The following CHUK variants were observed in gnomAD, a reference collection of about 807,000 sequenced individuals.
CHUK encodes inhibitor of nuclear factor kappa-B kinase subunit alpha.
CHUK carries 35 observed loss-of-function variants against 104.8 expected under a neutral mutation model. The observed-to-expected ratio is 0.33, with a 90% CI of 0.26 to 0.44. CHUK has a LOEUF of 0.44. Ranked by LOEUF, CHUK falls within the 20% of genes least tolerant of loss-of-function variation. CHUK has a pLI of 1.00. For synonymous variants in CHUK, 276 were observed against 291.9 expected (o/e 0.95, Z 0.56); for missense variants, 663 against 902.7 (o/e 0.73, Z 3.40).
chr10:100,224,110 T>TCA (rs1554899690), intron 2 of CHUK, among the ~76,000 whole-genome samples: 1 of 151,978 alleles, frequency 6.6e-6, no homozygotes. Flanking sequence ...TCTCTCTCTC[T>TCA]CAGATCACTC....
intron 1 of CHUK, among the ~76,000 whole-genome samples, chr10:100,229,201 C>G (rs1002979067): frequency 2.6e-5 from 4 of 152,150 alleles, no homozygotes; most frequent in African/African-American, 9.7e-5. Context: ...CAGTCATACC[C>G]AAGTTCCCCG....
chr10:100,220,414 T>C (rs1033692361), intron 5 of CHUK, among the ~76,000 whole-genome samples, 174 bp downstream of exon 5: 1 of 152,110 alleles, frequency 6.6e-6, no homozygotes, highest in Admixed American at 6.5e-5. Flanking sequence ...AACCACTGTT[T>C]AGCAGAAGGG....
At chr10:100,199,000 C>G (rs763517004) in intron 16 of CHUK, among the ~76,000 whole-genome samples, 62 of 152,120 alleles carry the variant, frequency 4.1e-4, no homozygotes, top group South Asian at 1.0e-3. Flanking sequence ...AATATACTCA[C>G]TGAGTAGGAA....
chr10:100,209,703 A>G lies in CHUK; in HGVS notation c.1020T>C (p.Arg340=), dbSNP rs1564836315. ...PDESLHSLQS[R]IERETGINTG... ...TATTTATTCCAGTTTCACGCTCAAT[A>G]CGAGACTGTAGTGAATGAAGACTTT... Residue 340 remains arginine, a synonymous_variant, in exon 10 of 21, where the codon CGT becomes CGC. Coordinates refer to ENST00000370397, the MANE Select transcript of CHUK (RefSeq NM_001278.5). 4 of 1,577,390 alleles carry G rather than the reference A, an allele frequency of 2.5e-6. No individual in the cohort carries two copies. Among genetic ancestry groups the G allele is most frequent in the Non-Finnish European group, 3.5e-6 (4 of 1,146,572 alleles).
rs371570413 is a variant in CHUK, at chr10:100,208,478, C to T, written c.1128+1117G>A. 6.6e-5 allele frequency among the ~76,000 whole-genome samples: 10 copies of T among 152,248 alleles called. No individual in the cohort carries two copies. The East Asian group carries it at 1.7e-3, about 26-fold the overall frequency. On this transcript the variant is annotated intron_variant, in intron 10 of 20. Coordinates refer to ENST00000370397, the MANE Select transcript of CHUK (RefSeq NM_001278.5). Reference sequence around the variant, plus strand: ...CAGGCCTAAATAACAACTGTTTCAGCACGACTGAGTGGTGAAGTTAAATAT... The same window carrying T: ...CAGGCCTAAATAACAACTGTTTCAGTACGACTGAGTGGTGAAGTTAAATAT...
rs748462224 is a variant in CHUK, at chr10:100,219,130, G to A, written c.567C>T (p.Ala189=). The change falls in exon 7 of 21, where the codon GCC becomes GCT. Residue 189 remains alanine (A), a splice_region_variant and synonymous_variant. Coordinates refer to ENST00000370397, the MANE Select transcript of CHUK (RefSeq NM_001278.5). Reference sequence around the variant, plus strand: ...AAGGCTTATTCTCAAAGAGCTCTGGGGCCTTCAAAAGAGAAAATGCTTTAA... The same window carrying A: ...AAGGCTTATTCTCAAAGAGCTCTGGAGCCTTCAAAAGAGAAAATGCTTTAA... ...TSFVGTLQYL[A]PELFENKPYT... 7 of 1,613,480 alleles carry A rather than the reference G, an allele frequency of 4.3e-6. No individual in the cohort carries two copies. The highest frequency in any genetic ancestry group is 5.9e-6 in the Non-Finnish European group (7 of 1,179,666).
intron 1 of CHUK, among the ~76,000 whole-genome samples, chr10:100,229,130 T>C (rs1846176294): frequency 6.6e-6 from 1 of 151,002 alleles, no homozygotes; most frequent in Non-Finnish European, 1.5e-5. Context: ...ACCCTGACAC[T>C]CCACATTCAC....
chr10:100,223,168 A>C (rs989557627), intron 2 of CHUK, among the ~76,000 whole-genome samples, 188 bp from the exon 3 acceptor site: 1 of 152,236 alleles, frequency 6.6e-6, no homozygotes, highest in Non-Finnish European at 1.5e-5. Flanking sequence ...ACATAAAAAT[A>C]CCATCACTAT....
intron 9 of CHUK, among the ~76,000 whole-genome samples, chr10:100,212,742 C>T (rs919281204): frequency 1.3e-5 from 2 of 152,052 alleles, no homozygotes; most frequent in African/African-American, 2.4e-5. Flanking sequence ...TGGTGGCTCA[C>T]GCCTGTAATC....
intron 1 of CHUK, among the ~76,000 whole-genome samples, chr10:100,229,180 T>TC (rs1846177563): frequency 6.6e-6 from 1 of 152,162 alleles, no homozygotes; most frequent in South Asian, 2.1e-4. Context: ...AAACACCTGG[T>TC]CACAGCCTGA....
intron 2 of CHUK, among the ~76,000 whole-genome samples, chr10:100,223,886 G>C (rs770949347): frequency 1.3e-5 from 2 of 152,328 alleles, no homozygotes; most frequent in African/African-American, 4.8e-5. Context: ...AGAATGATCT[G>C]TAAAGTACTT....
At position 100,218,817 on chromosome 10, in the gene CHUK, T is replaced by C. The variant is rs1845920899; in HGVS notation, c.698A>G (p.Lys233Arg). 2.5e-6 allele frequency: 4 copies of C among 1,612,072 alleles called. No individual in the cohort carries two copies. Among genetic ancestry groups the C allele is most frequent in the Non-Finnish European group, 3.4e-6 (4 of 1,178,210 alleles). The change falls in exon 8 of 21, where the codon AAG (lysine) becomes AGG (arginine). Residue 233 changes from lysine (K) to arginine (R), a missense_variant. By Grantham distance (26) the Lys-to-Arg change is conservative. Around this residue, in one of 5 missense-constraint regions of CHUK, gnomAD observed 200 missense variants for 333.0 expected, o/e 0.60. Coordinates refer to ENST00000370397, the MANE Select transcript of CHUK (RefSeq NM_001278.5). ...ACACTTTGGATCCTTCTTCTTAATCTTCTCATGCCTATAAAATCAAAAGCT... is the reference window on the plus strand; with the variant it reads ...ACACTTTGGATCCTTCTTCTTAATCCTCTCATGCCTATAAAATCAAAAGCT... ...HHLQPFTWHE[K>R]IKKKDPKCIF...
In CHUK at chr10:100,228,955, A is replaced by C. The variant is rs1846165630; in HGVS notation, c.105+473T>G. On this transcript the variant is annotated intron_variant, in intron 1 of 20. Coordinates refer to ENST00000370397, the MANE Select transcript of CHUK (RefSeq NM_001278.5). ...GCCTTCCTTGTCTACTCCAGTCCCC[A>C]CTGATATCATATGGCCTCCAAGCGC... is the stretch of plus-strand genomic sequence containing the variant. 3.3e-5 allele frequency among the ~76,000 whole-genome samples: 5 copies of C among 149,934 alleles called. No homozygotes were observed. In the South Asian group the frequency reaches 1.1e-3, roughly 32 times the overall value.
chr10:100,198,496 AT>A (rs1190156450), intron 16 of CHUK, among the ~76,000 whole-genome samples: 3 of 152,236 alleles, frequency 2.0e-5, no homozygotes, highest in Non-Finnish European at 2.9e-5. Context: ...TAGTGCCTTG[AT>A]TCATACTAAG....
rs12781296 is a variant in CHUK, at chr10:100,210,099, T to A, written c.934-310A>T. On this transcript the variant is annotated intron_variant, in intron 9 of 20. Coordinates refer to ENST00000370397, the MANE Select transcript of CHUK (RefSeq NM_001278.5). ...TATTTATTTATTTATTTATTTTTTT[T>A]TTTTTTGAGACGGAGTCTCGCTCTG... 5.6e-4 allele frequency among the ~76,000 whole-genome samples: 74 copies of A among 132,838 alleles called. 1 individual carries two copies. Among genetic ancestry groups the A allele is most frequent in the Non-Finnish European group, 7.5e-4 (46 of 61,570 alleles). The allele number at this position is 132,838 out of a possible 152,430, so 87.1% of individuals were successfully genotyped here. A position where few individuals can be genotyped will look rare whatever the true frequency, so the allele number is the denominator to read the frequency against.
At chr10:100,224,338 C>A (rs1846057399) in intron 2 of CHUK, among the ~76,000 whole-genome samples, 1 of 152,200 alleles carries the variant, frequency 6.6e-6, no homozygotes, top group Non-Finnish European at 1.5e-5. Flanking sequence ...AGACTCTAAG[C>A]TAGAATCACC....
chr10:100,208,676 T>C (rs1237726526), intron 10 of CHUK, among the ~76,000 whole-genome samples: 1 of 151,862 alleles, frequency 6.6e-6, no homozygotes, highest in Admixed American at 6.6e-5. Flanking sequence ...TCCCAGCTAC[T>C]TGGGAGGCTG....
At chr10:100,220,022 A>G (rs1160074795) in intron 5 of CHUK, among the ~76,000 whole-genome samples, 1 of 152,206 alleles carries the variant, frequency 6.6e-6, no homozygotes, top group East Asian at 1.9e-4. Context: ...CTTTATTGGA[A>G]TGAAATTTGG....
intron 16 of CHUK, 134 bp downstream of exon 16, chr10:100,199,837 G>A: frequency 1.4e-6 from 1 of 726,782 alleles, no homozygotes; most frequent in Non-Finnish European, 2.5e-6. Context: ...ATGTCTCAAT[G>A]GCAATACCAA....
Sources: gnomAD v4.1 joint callset for allele counts (sites outside exome capture counted in the v4.1 genomes callset) on GRCh38, gnomAD v4.1.1 for gene constraint, gnomAD v4.1.1 regional missense constraint, MANE v1.5 for transcripts, NCBI Gene and HGNC (gene_info 2026-07-23, HGNC 2026-07-21) for gene names.